Variants in TEC observed in about 807,000 individuals in gnomAD.
The protein encoded by TEC is tec protein tyrosine kinase.
A neutral mutation model predicts 93.0 loss-of-function variants in TEC; 72 were observed. That is an observed-to-expected ratio of 0.77 (90% CI 0.64 to 0.94). TEC has a LOEUF of 0.94. Among genes scored for constraint, TEC ranks in the 40% least tolerant of loss-of-function variants. TEC has a pLI of 0.00. For missense variants in TEC, 630 were observed against 757.9 expected (o/e 0.83, Z 1.98); for synonymous variants, 249 against 247.7 (o/e 1.01, Z -0.05).
chr4:48,196,276 A>G (rs899797923), intron 2 of TEC, among the ~76,000 whole-genome samples: 2 of 152,204 alleles, frequency 1.3e-5, no homozygotes, highest in African/African-American at 4.8e-5. Context: ...GCAGGCCTCT[A>G]TAATAGAGCT....
intron 1 of TEC, among the ~76,000 whole-genome samples, chr4:48,261,741 C>T (rs762837182): frequency 3.9e-5 from 6 of 152,072 alleles, no homozygotes; most frequent in African/African-American, 9.7e-5. Context: ...TAAAGTCTGT[C>T]GCTTTGATAC....
At chr4:48,194,995 T>C (rs1269929685) in intron 2 of TEC, among the ~76,000 whole-genome samples, 1 of 152,238 alleles carries the variant, frequency 6.6e-6, no homozygotes, top group Admixed American at 6.5e-5. Flanking sequence ...TTTCTTCCAC[T>C]GACTGAGTGC....
At chr4:48,222,392 C>G (rs1723296564) in intron 2 of TEC, among the ~76,000 whole-genome samples, 1 of 152,178 alleles carries the variant, frequency 6.6e-6, no homozygotes, top group South Asian at 2.1e-4. Context: ...GGAATTGAAT[C>G]AAGTAGGGCA....
chr4:48,154,428 T>C (rs1450322956), intron 9 of TEC, among the ~76,000 whole-genome samples: 1 of 152,154 alleles, frequency 6.6e-6, no homozygotes, highest in Non-Finnish European at 1.5e-5. Flanking sequence ...GATTTTTTAC[T>C]GGAAATTAGT....
chr4:48,238,901 T>C (rs1301374432), intron 1 of TEC, among the ~76,000 whole-genome samples: 1 of 152,044 alleles, frequency 6.6e-6, no homozygotes. Flanking sequence ...CAACTTCCCT[T>C]ATGCATCCCA....
chr4:48,150,966 T>A lies in TEC; in HGVS notation c.793-24A>T, dbSNP rs201762999. ...TCCTAAAATCCAAGTTCAGAAAAAA[T>A]TTTTTTTACTCTAATTACTAATAGC... On this transcript the variant is annotated intron_variant, in intron 9 of 17. Transcript: ENST00000381501. 190 of 1,515,570 alleles carry A rather than the reference T, an allele frequency of 1.3e-4. 1 individual carries two copies. Among genetic ancestry groups the A allele is most frequent in the East Asian group, 2.3e-4 (10 of 43,336 alleles). The allele number at this position is 1,515,570 out of a possible 1,614,324, so 93.9% of individuals were successfully genotyped here. A position where few individuals can be genotyped will look rare whatever the true frequency, so the allele number is the denominator to read the frequency against.
intron 2 of TEC, among the ~76,000 whole-genome samples, chr4:48,185,183 A>G (rs1390117934): frequency 6.6e-6 from 1 of 152,276 alleles, no homozygotes; most frequent in African/African-American, 2.4e-5. Context: ...AAAGAGTTCC[A>G]GTCAACTGTT....
intron 2 of TEC, among the ~76,000 whole-genome samples, chr4:48,181,044 G>C (rs1451652369): frequency 2.6e-5 from 4 of 152,092 alleles, no homozygotes; most frequent in Non-Finnish European, 5.9e-5. Flanking sequence ...GAAGGACTGA[G>C]GGGGGCTAAC....
At chr4:48,170,716 T>G (rs766983926) in intron 4 of TEC, among the ~76,000 whole-genome samples, 7 of 152,176 alleles carry the variant, frequency 4.6e-5, no homozygotes, top group Non-Finnish European at 1.0e-4. Flanking sequence ...TGTCATTCCA[T>G]CCACACCAAA....
chr4:48,180,674 G>A (rs1721547476), intron 2 of TEC, among the ~76,000 whole-genome samples: 1 of 152,194 alleles, frequency 6.6e-6, no homozygotes, highest in Non-Finnish European at 1.5e-5. Flanking sequence ...CACTGTGGTT[G>A]AAGCTCAGGG....
chr4:48,167,877 T>TAA lies in TEC; in HGVS notation c.571_572insTT (p.Gln191LeufsTer11), dbSNP rs1720936085. 1 of 1,613,828 alleles carries TAA rather than the reference T, an allele frequency of 6.2e-7. No homozygotes were observed. Among genetic ancestry groups the TAA allele is most frequent in the South Asian group, 1.1e-5 (1 of 91,078 alleles). ...TCTGAGATCATGTCCTTCTGCTGCT[T>TAA]GGAAATCATACATGGCTACAACGAT... On this transcript the variant is annotated frameshift_variant, in exon 7 of 18. Transcript: ENST00000381501. LOFTEE classifies it high-confidence loss of function.
At chr4:48,152,002 G>A (rs1720190992) in intron 9 of TEC, among the ~76,000 whole-genome samples, 1 of 152,090 alleles carries the variant, frequency 6.6e-6, no homozygotes, top group Non-Finnish European at 1.5e-5. Flanking sequence ...TGAAAAGTGT[G>A]TCCTTTATTA....
At chr4:48,269,466 T>A (rs1724728188) in intron 1 of TEC, among the ~76,000 whole-genome samples, 1 of 65,530 alleles carries the variant, frequency 1.5e-5, no homozygotes, top group Non-Finnish European at 3.9e-5. Context: ...GGGGCGGGTG[T>A]TCCTTAGGAG....
At chr4:48,180,445 T>A (rs985520634) in intron 2 of TEC, among the ~76,000 whole-genome samples, 3 of 152,178 alleles carry the variant, frequency 2.0e-5, no homozygotes, top group Non-Finnish European at 2.9e-5. Flanking sequence ...GGAAGAGGGA[T>A]GATTCACAGT....
chr4:48,137,385 G>A lies in TEC; in HGVS notation c.*31C>T, dbSNP rs773231268. ...AAAATGCCCATCCTTCCTTGTGCTTGGGAATCTGGGAGCCACTGGTCACAC... is the reference window on the plus strand; with the variant it reads ...AAAATGCCCATCCTTCCTTGTGCTTAGGAATCTGGGAGCCACTGGTCACAC... On this transcript the variant is annotated 3_prime_UTR_variant, in exon 18 of 18. Transcript: ENST00000381501. 2.5e-6 allele frequency: 4 copies of A among 1,578,186 alleles called. No individual in the cohort carries two copies. The highest frequency in any genetic ancestry group is 2.2e-5 in the South Asian group (2 of 89,180).
chr4:48,191,602 T>C (rs1196394432), intron 2 of TEC, among the ~76,000 whole-genome samples: 1 of 152,296 alleles, frequency 6.6e-6, no homozygotes, highest in East Asian at 1.9e-4. Context: ...CCATTCTTTC[T>C]CTTAAAACAG....
chr4:48,199,985 G>A (rs1027422174), intron 2 of TEC, among the ~76,000 whole-genome samples: 5 of 152,002 alleles, frequency 3.3e-5, no homozygotes, highest in Admixed American at 3.3e-4. Flanking sequence ...ATGAGAATGA[G>A]AGAAAGAGAC....
intron 1 of TEC, among the ~76,000 whole-genome samples, chr4:48,253,483 C>T (rs1724261945): frequency 6.6e-6 from 1 of 151,974 alleles, no homozygotes; most frequent in Admixed American, 6.6e-5. Flanking sequence ...TCCTGCCCCT[C>T]TTCTTTTTGT....
At chr4:48,238,316 C>T (rs1189092698) in intron 1 of TEC, among the ~76,000 whole-genome samples, 1 of 152,192 alleles carries the variant, frequency 6.6e-6, no homozygotes, top group Non-Finnish European at 1.5e-5. Flanking sequence ...CTCCTTTCAG[C>T]CAGTTGATAT....
Sources: gnomAD v4.1 joint callset for allele counts (sites outside exome capture counted in the v4.1 genomes callset) on GRCh38, gnomAD v4.1.1 for gene constraint, MANE v1.5 for transcripts, NCBI Gene and HGNC (gene_info 2026-07-23, HGNC 2026-07-21) for gene names.